PCDH10: variants seen among roughly 807,000 people sequenced by gnomAD.
PCDH10 encodes protocadherin-10.
Under a neutral mutation model 74.4 loss-of-function variants are expected in PCDH10, and 15 were observed. That is an observed-to-expected ratio of 0.20 (90% confidence interval 0.13 to 0.31). The LOEUF is 0.31. PCDH10 is among the 10% of genes least tolerant of loss of function. The pLI is 1.00. For missense variants in PCDH10, 1,260 were observed against 1,390.2 expected (o/e 0.91, Z 1.49); for synonymous variants, 619 against 589.8 (o/e 1.05, Z -0.72).
At chr4:133,170,791 C>T (rs957554572) in intron 4 of PCDH10, among the ~76,000 whole-genome samples, 4 of 152,072 alleles carry the variant, frequency 2.6e-5, no homozygotes, top group Non-Finnish European at 5.9e-5. Context: ...CTCCCGGGTT[C>T]GAGCGATTTT....
At chr4:133,204,252 G>A (rs999291346) in intron 2 of PCDH10, among the ~76,000 whole-genome samples, 13 of 152,028 alleles carry the variant, frequency 8.6e-5, no homozygotes, top group Admixed American at 2.6e-4. Context: ...CTAGGGTATC[G>A]GTCCCCTCCC....
intron 4 of PCDH10, among the ~76,000 whole-genome samples, chr4:133,184,998 T>C (rs1216805084): frequency 1.3e-5 from 2 of 148,312 alleles, no homozygotes; most frequent in African/African-American, 4.9e-5. Flanking sequence ...TAATTAATTA[T>C]ATGAATGAAG....
chr4:133,190,028 G>A, intron 4 of PCDH10, 113 bp from the exon 5 acceptor site: 1 of 840,616 alleles, frequency 1.2e-6, no homozygotes, highest in Non-Finnish European at 2.0e-6. Flanking sequence ...CATGTGTTTG[G>A]TATGAGGGTA....
At chr4:133,155,627 G>C (rs1403959967) in intron 3 of PCDH10, among the ~76,000 whole-genome samples, 1 of 152,132 alleles carries the variant, frequency 6.6e-6, no homozygotes, top group African/African-American at 2.4e-5. Flanking sequence ...TTTTTGAAGT[G>C]TCCTTGGTTT....
intron 4 of PCDH10, among the ~76,000 whole-genome samples, chr4:133,175,449 A>G (rs1560711751): frequency 6.6e-6 from 1 of 152,118 alleles, no homozygotes; most frequent in Non-Finnish European, 1.5e-5. Flanking sequence ...GAACTAGGTT[A>G]TAGAAATGTT....
chr4:133,199,424 T>G (rs983048059), downstream of PCDH10, among the ~76,000 whole-genome samples: 1 of 150,944 alleles, frequency 6.6e-6, no homozygotes, highest in Non-Finnish European at 1.5e-5. Context: ...AAGGAACAAA[T>G]GAACACAATT....
In PCDH10 at chr4:133,193,235, C is replaced by T. The variant is rs1727718511; in HGVS notation, c.*3075C>T. On this transcript the variant is annotated 3_prime_UTR_variant, in exon 5 of 5. Transcript: ENST00000264360. ...CTTAAATCAAATTTAAATATCACAT[C>T]AGAATTACTTCACAGATATAATAGC... 1 of 151,608 alleles carries T rather than the reference C, an allele frequency of 6.6e-6. No individual in the cohort carries two copies. Among genetic ancestry groups the T allele is most frequent in the Admixed American group, 6.6e-5 (1 of 15,184 alleles). 9.4% of individuals were successfully genotyped at this position (151,608 alleles called of 1,614,324 possible).
intron 4 of PCDH10, among the ~76,000 whole-genome samples, chr4:133,189,560 G>A (rs1036111521): frequency 6.6e-6 from 1 of 151,584 alleles, no homozygotes; most frequent in Non-Finnish European, 1.5e-5. Context: ...CTCATAGTAA[G>A]AATACTTTAA....
rs1006347299 is a variant in PCDH10, at chr4:133,193,532, C to G, written c.*3372C>G. The G allele has an allele frequency of 6.6e-6, 1 of 151,606 alleles. No homozygotes were observed. The highest frequency in any genetic ancestry group is 1.5e-5 in the Non-Finnish European group (1 of 67,646). 9.4% of individuals were successfully genotyped at this position (151,606 alleles called of 1,614,324 possible). ...CCCAATATAATCTTTAACAACTGTA[C>G]GTTAATTGTACCATTTTACCTTCTA... is the stretch of plus-strand genomic sequence containing the variant. On this transcript the variant is annotated 3_prime_UTR_variant, in exon 5 of 5. Coordinates refer to ENST00000264360, the MANE Select transcript of PCDH10 (RefSeq NM_032961.3).
chr4:133,164,090 C>G, intron 4 of PCDH10: 1 of 449,706 alleles, frequency 2.2e-6, no homozygotes, highest in Admixed American at 2.4e-5. Context: ...TTGTTTTCAG[C>G]TTTTCAAATT....
intron 4 of PCDH10, among the ~76,000 whole-genome samples, chr4:133,184,685 T>C (rs891179930): frequency 8.2e-5 from 12 of 145,900 alleles, no homozygotes; most frequent in African/African-American, 3.0e-4. Context: ...TTTATTTACA[T>C]ATATTTATAT....
chr4:133,188,594 A>T (rs1430704966), intron 4 of PCDH10, among the ~76,000 whole-genome samples: 1 of 150,594 alleles, frequency 6.6e-6, no homozygotes, highest in Admixed American at 6.6e-5. Context: ...ACTAGTTATT[A>T]TACTACACAA....
chr4:133,177,491 C>T (rs535434101), intron 4 of PCDH10, among the ~76,000 whole-genome samples: 1 of 152,138 alleles, frequency 6.6e-6, no homozygotes, highest in African/African-American at 2.4e-5. Context: ...TGTCTTCTAA[C>T]TTCTACATCA....
intron 2 of PCDH10, among the ~76,000 whole-genome samples, chr4:133,205,819 A>G (rs7699353): frequency 0.93 from 141,618 of 152,148 alleles, 65,924 homozygotes; most frequent in Middle Eastern, 0.95. Flanking sequence ...TCTTGTTTTC[A>G]GAATGTTCCT....
intron 4 of PCDH10, among the ~76,000 whole-genome samples, chr4:133,166,163 T>TA (rs1727076611): frequency 6.6e-6 from 1 of 151,596 alleles, no homozygotes; most frequent in Non-Finnish European, 1.5e-5. Flanking sequence ...AGCAAAGGGA[T>TA]ACACTCAAAG....
At chr4:133,197,453 T>A (rs1182072130), downstream of PCDH10, among the ~76,000 whole-genome samples, 1 of 152,160 alleles carries the variant, frequency 6.6e-6, no homozygotes, top group Admixed American at 6.6e-5. Flanking sequence ...TCTTTACTTA[T>A]TTTTTTCTTT....
intron 2 of PCDH10, among the ~76,000 whole-genome samples, chr4:133,203,062 C>T (rs1038909372): frequency 4.6e-5 from 7 of 152,044 alleles, no homozygotes; most frequent in African/African-American, 4.8e-5. Flanking sequence ...GACATAATGG[C>T]CAGCTTGGTA....
At chr4:133,154,264 C>T (rs759241803) in intron 1 of PCDH10, 43 bp from the exon 2 acceptor site, 2 of 1,257,312 alleles carry the variant, frequency 1.6e-6, no homozygotes, top group African/African-American at 1.5e-5. Context: ...CTAGTTCAAC[C>T]CATAGCATTC....
downstream of PCDH10, among the ~76,000 whole-genome samples, chr4:133,195,840 T>C (rs558891412): frequency 1.3e-5 from 2 of 152,082 alleles, no homozygotes; most frequent in African/African-American, 4.8e-5. Context: ...TATATACATA[T>C]ATAAAATAGG....
Sources: gnomAD v4.1 joint callset for allele counts (sites outside exome capture counted in the v4.1 genomes callset) on GRCh38, gnomAD v4.1.1 for gene constraint, MANE v1.5 for transcripts, NCBI Gene and HGNC (gene_info 2026-07-23, HGNC 2026-07-21) for gene names.